NCOR1: variants seen among roughly 807,000 people sequenced by gnomAD.
NCOR1 encodes protein phosphatase 1, regulatory subunit 109.
In NCOR1, 63 loss-of-function variants were observed where a neutral mutation model predicts 288.1. That is an observed-to-expected ratio of 0.22 (90% CI 0.18 to 0.27). The LOEUF is 0.27. Ranked by LOEUF, NCOR1 falls within the 10% of genes least tolerant of loss-of-function variation. The pLI, the probability that NCOR1 is intolerant of heterozygous loss-of-function variation, is 1.00. For synonymous variants in NCOR1, 1,007 were observed against 1,065.9 expected (o/e 0.94, Z 1.08); for missense variants, 2,397 against 3,019.2 (o/e 0.79, Z 4.83).
At chr17:16,203,834 T>C (rs2091171445) in intron 1 of NCOR1, among the ~76,000 whole-genome samples, 1 of 152,176 alleles carries the variant, frequency 6.6e-6, no homozygotes, top group Non-Finnish European at 1.5e-5. Context: ...AAAAATCTAT[T>C]TGAACACAGG....
chr17:16,136,962 T>G (rs867114290), intron 14 of NCOR1, among the ~76,000 whole-genome samples: 1 of 152,048 alleles, frequency 6.6e-6, no homozygotes, highest in South Asian at 2.1e-4. Context: ...ACCTGACCCC[T>G]CCTCAGATAA....
chr17:16,046,669 A>G (rs2058701954), intron 42 of NCOR1, among the ~76,000 whole-genome samples: 1 of 152,210 alleles, frequency 6.6e-6, no homozygotes, highest in Non-Finnish European at 1.5e-5. Context: ...AAAGAAAAGT[A>G]AACTATGGAG....
At chr17:16,086,695 C>A (rs1159904930) in intron 22 of NCOR1, among the ~76,000 whole-genome samples, 2 of 152,196 alleles carry the variant, frequency 1.3e-5, no homozygotes, top group African/African-American at 2.4e-5. Flanking sequence ...TTATTTCAAA[C>A]TTCTGCTTAG....
chr17:16,175,222 G>A (rs2083903189), intron 3 of NCOR1, among the ~76,000 whole-genome samples: 1 of 152,018 alleles, frequency 6.6e-6, no homozygotes, highest in Non-Finnish European at 1.5e-5. Context: ...ACAAATGTTA[G>A]GCGGGCGTGG....
intron 22 of NCOR1, among the ~76,000 whole-genome samples, chr17:16,088,516 T>C (rs769174002): frequency 1.2e-4 from 19 of 152,214 alleles, no homozygotes; most frequent in Non-Finnish European, 2.8e-4. Context: ...TTAGGCTTTC[T>C]AGGTGAATAA....
chr17:16,151,742 AT>A (rs2078899694), intron 8 of NCOR1: 2 of 1,080,844 alleles, frequency 1.9e-6, no homozygotes, highest in Admixed American at 2.5e-5. Context: ...AATTTATTTC[AT>A]TTTTTGGCCT....
At position 16,083,453 on chromosome 17, in the gene NCOR1, G is replaced by A. The variant is rs1160883416; in HGVS notation, c.3178-2726C>T. On this transcript the variant is annotated intron_variant, in intron 23 of 45. Transcript: ENST00000268712. ...ATCTCTAAAGTGAAAACTTTAAAGC[G>A]CTGCTGAGAGATATAGATATACAAG... Among the ~76,000 whole-genome samples the A allele has an allele frequency of 5.9e-5, 9 of 151,936 alleles. No homozygotes were observed. In the East Asian group the frequency reaches 9.6e-4, roughly 16 times the overall value.
In NCOR1 at chr17:16,171,907, G is replaced by A; in HGVS notation, c.331C>T (p.Leu111=). Residue 111 remains leucine (L), a synonymous_variant, in exon 4 of 46, where the codon CTG becomes TTG. Transcript: ENST00000268712. ...AAATGAGAATCAGAAACCTGTTCCA[G>A]ACGTGGTCGCTTCGATTCCAGTGAA... The part of the protein sequence containing the change: ...HDSLESKRPR[L]EQVSDSHFQR... The A allele has an allele frequency of 6.2e-7, 1 of 1,613,414 alleles. No homozygotes were observed. The highest frequency in any genetic ancestry group is 8.5e-7 in the Non-Finnish European group (1 of 1,179,694).
At chr17:16,037,879 C>T (rs909867493) in intron 44 of NCOR1, among the ~76,000 whole-genome samples, 3 of 152,132 alleles carry the variant, frequency 2.0e-5, no homozygotes, top group African/African-American at 7.2e-5. Context: ...GAGATCAGAG[C>T]CCAGGTCATC....
At chr17:16,072,274 G>T in intron 28 of NCOR1, 46 bp from the exon 29 acceptor site, 1 of 1,415,580 alleles carries the variant, frequency 7.1e-7, no homozygotes. Context: ...TAATGTATAT[G>T]TCAACTCACA....
chr17:16,180,519 G>A (rs1406597250), intron 3 of NCOR1, among the ~76,000 whole-genome samples: 1 of 152,134 alleles, frequency 6.6e-6, no homozygotes, highest in African/African-American at 2.4e-5. Context: ...GGGAGGCTGA[G>A]GCAGAAGGAT....
intron 1 of NCOR1, among the ~76,000 whole-genome samples, chr17:16,207,489 C>T (rs1017342290): frequency 5.9e-5 from 9 of 152,096 alleles, no homozygotes; most frequent in Non-Finnish European, 1.2e-4. Context: ...CGCCTGTAAT[C>T]CCAGCACTTT....
intron 8 of NCOR1, 23 bp downstream of exon 8, chr17:16,151,923 C>T: frequency 6.4e-7 from 1 of 1,566,896 alleles, no homozygotes; most frequent in Non-Finnish European, 8.7e-7. Context: ...AATTGAAGAA[C>T]TCCAAAGATG....
At chr17:16,166,487 T>C (rs1184182128) in intron 4 of NCOR1, among the ~76,000 whole-genome samples, 5 of 152,256 alleles carry the variant, frequency 3.3e-5, no homozygotes, top group African/African-American at 1.2e-4. Flanking sequence ...CAGACCAGCC[T>C]AACCAACATG....
At chr17:16,036,786 TG>T (rs1437435859) in intron 44 of NCOR1, among the ~76,000 whole-genome samples, 1 of 152,238 alleles carries the variant, frequency 6.6e-6, no homozygotes, top group East Asian at 1.9e-4. Context: ...ATGTTGTGGC[TG>T]GTTTGGTCTT....
At chr17:16,129,277 C>T (rs752566190) in intron 14 of NCOR1, among the ~76,000 whole-genome samples, 2 of 152,222 alleles carry the variant, frequency 1.3e-5, no homozygotes, top group Non-Finnish European at 2.9e-5. Context: ...ACTACAACCA[C>T]CCATCGCACA....
chr17:16,143,288 G>A (rs2077405613), intron 11 of NCOR1, among the ~76,000 whole-genome samples: 1 of 152,114 alleles, frequency 6.6e-6, no homozygotes, highest in African/African-American at 2.4e-5. Context: ...ATCTTGGCCT[G>A]TCCATTCTAC....
At chr17:16,215,334 G>C (rs1046077354) in intron 1 of NCOR1, 28 bp downstream of exon 1, 2 of 391,718 alleles carry the variant, frequency 5.1e-6, no homozygotes, top group African/African-American at 2.1e-5. Context: ...CCCGGAGGCC[G>C]GGGTTGCAGG....
At chr17:16,137,963 T>C in intron 13 of NCOR1, 195 bp downstream of exon 13, 1 of 489,614 alleles carries the variant, frequency 2.0e-6, no homozygotes, top group Non-Finnish European at 3.6e-6. Flanking sequence ...TCATCTTTCA[T>C]TAACCATTTA....
Sources: gnomAD v4.1 joint callset for allele counts (sites outside exome capture counted in the v4.1 genomes callset) on GRCh38, gnomAD v4.1.1 for gene constraint, MANE v1.5 for transcripts, NCBI Gene and HGNC (gene_info 2026-07-23, HGNC 2026-07-21) for gene names.